Variants in EYS observed in about 807,000 individuals in gnomAD.
EYS encodes the protein protein eyes shut homolog.
Under a neutral mutation model 282.1 loss-of-function variants are expected in EYS, and 250 were observed. The ratio of observed to expected loss-of-function variants is 0.89; its 90% CI spans 0.80 to 0.98. The LOEUF (loss-of-function observed/expected upper bound fraction) is 0.98. EYS is among the 50% of genes least tolerant of loss of function. The pLI, the probability that EYS is intolerant of heterozygous loss-of-function variation, is 0.00. For missense variants in EYS, 4,016 were observed against 3,709.0 expected (o/e 1.08, Z -2.15); for synonymous variants, 1,355 against 1,282.9 (o/e 1.06, Z -1.20).
intron 12 of EYS, among the ~76,000 whole-genome samples, chr6:65,145,402 G>A (rs188799076): frequency 1.7e-3 from 257 of 151,818 alleles, no homozygotes; most frequent in Non-Finnish European, 3.1e-3. Context: ...AGATAGTTAA[G>A]TTTATTGAAG....
At chr6:64,618,148 G>C (rs1562094746) in intron 23 of EYS, among the ~76,000 whole-genome samples, 2 of 152,078 alleles carry the variant, frequency 1.3e-5, no homozygotes, top group East Asian at 3.8e-4. Context: ...CAGTTTGATT[G>C]TATGTATTTT....
At chr6:63,740,526 T>A (rs1274635454) in intron 41 of EYS, among the ~76,000 whole-genome samples, 3 of 152,200 alleles carry the variant, frequency 2.0e-5, no homozygotes, top group African/African-American at 7.2e-5. Flanking sequence ...ACACTTTGCT[T>A]GAAGAGCTGA....
intron 30 of EYS, among the ~76,000 whole-genome samples, chr6:64,298,106 G>C (rs1208740629): frequency 6.6e-6 from 1 of 152,064 alleles, no homozygotes; most frequent in African/African-American, 2.4e-5. Flanking sequence ...AGTGTGAAAT[G>C]AAAGACCATA....
intron 22 of EYS, among the ~76,000 whole-genome samples, chr6:64,746,315 T>C (rs369965490): frequency 6.6e-6 from 1 of 152,022 alleles, no homozygotes; most frequent in Non-Finnish European, 1.5e-5. Context: ...GAGTTCCTTA[T>C]GAAAAGAAGA....
chr6:65,399,257 C>T (rs1010397032), intron 7 of EYS, among the ~76,000 whole-genome samples: 1 of 151,836 alleles, frequency 6.6e-6, no homozygotes, highest in African/African-American at 2.4e-5. Context: ...TTTATGGTTG[C>T]AGAAGAGTTT....
intron 1 of EYS, among the ~76,000 whole-genome samples, chr6:65,698,881 T>C (rs1004015810): frequency 1.3e-5 from 2 of 152,174 alleles, no homozygotes; most frequent in South Asian, 4.1e-4. Flanking sequence ...AACTAAAGAA[T>C]CAATCTTCCT....
intron 36 of EYS, among the ~76,000 whole-genome samples, chr6:63,817,949 T>C (rs1453919219): frequency 6.6e-6 from 1 of 152,186 alleles, no homozygotes; most frequent in Admixed American, 6.5e-5. Context: ...CAAGGCAGGC[T>C]TCTCACTGTG....
intron 22 of EYS, among the ~76,000 whole-genome samples, chr6:64,773,184 C>T (rs1773576423): frequency 6.6e-6 from 1 of 151,720 alleles, no homozygotes; most frequent in Non-Finnish European, 1.5e-5. Context: ...TCTTTGTTTT[C>T]ATATGTACTC....
chr6:64,995,715 T>TC (rs5876932), intron 14 of EYS, among the ~76,000 whole-genome samples: 52,041 of 147,230 alleles, frequency 0.35, 13,333 homozygotes, highest in African/African-American at 0.72. Context: ...TCTTTCTGCT[T>TC]CCCCCCCGCC....
At chr6:63,875,032 G>T (rs1262208313) in intron 35 of EYS, among the ~76,000 whole-genome samples, 1 of 152,148 alleles carries the variant, frequency 6.6e-6, no homozygotes, top group African/African-American at 2.4e-5. Context: ...ATGAGAGAGG[G>T]CATCCCTGTC....
intron 12 of EYS, among the ~76,000 whole-genome samples, chr6:65,149,063 G>A (rs895949973): frequency 6.6e-6 from 1 of 152,084 alleles, no homozygotes; most frequent in African/African-American, 2.4e-5. Flanking sequence ...TGCTGTAAAG[G>A]TCTCTTACGT....
chr6:64,109,095 CAGT>C (rs1193100792), intron 31 of EYS, among the ~76,000 whole-genome samples: 6 of 152,020 alleles, frequency 3.9e-5, no homozygotes, highest in Non-Finnish European at 5.9e-5. Context: ...CTATTGCATT[CAGT>C]AGAACATTTA....
chr6:64,679,761 T>G (rs115032113), intron 22 of EYS, among the ~76,000 whole-genome samples: 1,541 of 152,298 alleles, frequency 0.01, 20 homozygotes, highest in Non-Finnish European at 0.017. Context: ...TTTAATTATT[T>G]TTTCTTTATT....
At chr6:65,340,096 A>G (rs1490774371) in intron 10 of EYS, among the ~76,000 whole-genome samples, 1 of 151,146 alleles carries the variant, frequency 6.6e-6, no homozygotes, top group Non-Finnish European at 1.5e-5. Flanking sequence ...GTTCAAATTT[A>G]TACTGGATTA....
intron 12 of EYS, among the ~76,000 whole-genome samples, chr6:65,072,759 C>T (rs9453175): frequency 0.012 from 1,798 of 150,518 alleles, 35 homozygotes; most frequent in African/African-American, 0.04. Context: ...GAATATTATA[C>T]CAAAAAGAAC....
chr6:64,706,521 G>T lies in EYS; in HGVS notation c.3444-80276C>A, dbSNP rs373126421. On this transcript the variant is annotated intron_variant, in intron 22 of 42. Transcript: ENST00000503581. ...AAAGAAATAATCAGTAGACTAAATA[G>T]ACAACTCACAGAATGGGAGAAAATC... Among the ~76,000 whole-genome samples the T allele has an allele frequency of 1.1e-4, 17 of 152,100 alleles. No homozygotes were observed. In the East Asian group the frequency reaches 2.9e-3, roughly 26 times the overall value.
chr6:65,041,258 A>G (rs9351483), intron 13 of EYS, among the ~76,000 whole-genome samples: 10,435 of 151,806 alleles, frequency 0.069, 464 homozygotes, highest in East Asian at 0.14. Context: ...GCAAGCCATA[A>G]GTCGTGGCTC....
intron 13 of EYS, among the ~76,000 whole-genome samples, chr6:65,031,013 C>G (rs912569538): frequency 2.0e-5 from 3 of 151,674 alleles, no homozygotes; most frequent in Non-Finnish European, 4.4e-5. Flanking sequence ...TAATTTCAGA[C>G]AAAACAGATT....
At chr6:65,512,409 A>G (rs1766921853) in intron 2 of EYS, among the ~76,000 whole-genome samples, 1 of 150,882 alleles carries the variant, frequency 6.6e-6, no homozygotes, top group Admixed American at 6.6e-5. Flanking sequence ...GAATGGCATG[A>G]ACCCGGGAGG....
Sources: gnomAD v4.1 joint callset for allele counts (sites outside exome capture counted in the v4.1 genomes callset) on GRCh38, gnomAD v4.1.1 for gene constraint, MANE v1.5 for transcripts, NCBI Gene and HGNC (gene_info 2026-07-23, HGNC 2026-07-21) for gene names.